RAP1GAP: variants seen among roughly 807,000 people sequenced by gnomAD.
RAP1GAP encodes rap1 GTPase-activating protein 1.
In RAP1GAP, 35 loss-of-function variants were observed where a neutral mutation model predicts 87.2. The observed-to-expected ratio is 0.40, with a 90% confidence interval of 0.31 to 0.53. The LOEUF (loss-of-function observed/expected upper bound fraction) is 0.53. Ranked by LOEUF, RAP1GAP falls within the 20% of genes least tolerant of loss-of-function variation. The pLI, the probability that RAP1GAP is intolerant of heterozygous loss-of-function variation, is 0.48. For synonymous variants in RAP1GAP, 375 were observed against 363.9 expected (o/e 1.03, Z -0.35); for missense variants, 734 against 898.9 (o/e 0.82, Z 2.35).
In RAP1GAP at chr1:21,668,259, C is replaced by A. The variant is rs1443384698; in HGVS notation, c.-149+995G>T. Among the ~76,000 whole-genome samples, 1 of 152,162 alleles carries A rather than the reference C, an allele frequency of 6.6e-6. No individual in the cohort carries two copies. The highest frequency in any genetic ancestry group is 1.5e-5 in the Non-Finnish European group (1 of 68,016). ...CATTGCCTTTCTCTCCTACTTCCAC[C>A]TGGCCAGCTTCCCTCAGTGCCCCTC... On this transcript the variant is annotated intron_variant, in intron 1 of 24. Transcript: ENST00000374765. This position sits in a 1 kb window ranked among gnomAD's most constrained non-coding sequence, Gnocchi z 6.2.
chr1:21,629,910 G>A (rs1369077891), intron 2 of RAP1GAP, among the ~76,000 whole-genome samples: 5 of 152,146 alleles, frequency 3.3e-5, no homozygotes, highest in Non-Finnish European at 7.3e-5. Context: ...TAACATGTAC[G>A]TCCAATCCTG....
intron 7 of RAP1GAP, 23 bp downstream of exon 7, chr1:21,617,283 C>G (rs373462096): frequency 1.3e-6 from 2 of 1,554,170 alleles, no homozygotes; most frequent in East Asian, 2.4e-5. Context: ...CAGCCAGCCC[C>G]GCTGCACCAG....
intron 1 of RAP1GAP, chr1:21,665,191 A>C (rs1299550640): frequency 4.0e-6 from 2 of 499,240 alleles, no homozygotes; most frequent in African/African-American, 3.9e-5. Context: ...AAACAGACTC[A>C]GAGGGAGAGA....
chr1:21,611,844 G>A, intron 11 of RAP1GAP, 28 bp from the exon 12 acceptor site: 2 of 1,580,690 alleles, frequency 1.3e-6, no homozygotes, highest in Non-Finnish European at 1.7e-6. Flanking sequence ...AGGTCATTGA[G>A]CTGGAGTTCC....
chr1:21,636,404 C>T (rs2094670678), intron 2 of RAP1GAP, among the ~76,000 whole-genome samples: 1 of 152,154 alleles, frequency 6.6e-6, no homozygotes, highest in Non-Finnish European at 1.5e-5. Context: ...CTTCCCTTCT[C>T]TTCCTTCCTT....
intron 3 of RAP1GAP, among the ~76,000 whole-genome samples, chr1:21,624,746 G>A (rs906606311): frequency 2.0e-5 from 3 of 152,194 alleles, no homozygotes; most frequent in Non-Finnish European, 4.4e-5. Flanking sequence ...TAGCCAGACT[G>A]GGTGGAAGCC....
Position 21,611,822 on chromosome 1 carries a change from G to T in RAP1GAP, c.613-6C>A, listed in dbSNP as rs1178947481. On this transcript the variant is annotated splice_region_variant and splice_polypyrimidine_tract_variant and intron_variant, in intron 11 of 24. Transcript: ENST00000374765. The stretch of plus-strand genomic sequence containing the variant: ...AAGAGTTCTTCCTCGGAGGTCTGGG[G>T]ATGAGGGGCCAAGGTCATTGAGCTG... 1.2e-6 allele frequency: 2 copies of T among 1,603,318 alleles called. No homozygotes were observed. Among genetic ancestry groups the T allele is most frequent in the Non-Finnish European group, 1.7e-6 (2 of 1,170,334 alleles).
At chr1:21,619,809 T>C (rs2085480573) in intron 4 of RAP1GAP, among the ~76,000 whole-genome samples, 1 of 152,022 alleles carries the variant, frequency 6.6e-6, no homozygotes, top group South Asian at 2.1e-4. Flanking sequence ...GCTGGGAGCC[T>C]AGATGGACTC....
At chr1:21,636,662 C>T (rs906233967) in intron 2 of RAP1GAP, among the ~76,000 whole-genome samples, 1 of 152,058 alleles carries the variant, frequency 6.6e-6, no homozygotes, top group Admixed American at 6.6e-5. Context: ...CAAAAATTAG[C>T]CGGGTGTGGT....
chr1:21,609,524 G>C lies in RAP1GAP; in HGVS notation c.1071+51C>G. The C allele has an allele frequency of 9.0e-7, 1 of 1,109,278 alleles. No homozygotes were observed. The highest frequency in any genetic ancestry group is 1.2e-6 in the Non-Finnish European group (1 of 800,150). 68.7% of individuals were successfully genotyped at this position (1,109,278 alleles called of 1,614,324 possible). On this transcript the variant is annotated intron_variant, in intron 15 of 24. Coordinates refer to ENST00000374765, the MANE Select transcript of RAP1GAP (RefSeq NM_002885.4). This position sits in a 1 kb window ranked among gnomAD's most constrained non-coding sequence, Gnocchi z 4.4. ...GGCAGAATGTGTATGCACCCCCCAG[G>C]CCCCCACCCATTTGTCCTGCTCTGC... is the stretch of plus-strand genomic sequence containing the variant.
chr1:21,651,517 A>G (rs1374008381), intron 1 of RAP1GAP: 2 of 661,184 alleles, frequency 3.0e-6, no homozygotes, highest in South Asian at 1.4e-5. Flanking sequence ...CAAACACAGC[A>G]ATGTCCACCC....
chr1:21,605,451 A>G (rs1404223825), intron 18 of RAP1GAP, among the ~76,000 whole-genome samples: 4 of 152,148 alleles, frequency 2.6e-5, no homozygotes, highest in African/African-American at 9.7e-5. Flanking sequence ...ATAGCAGTCC[A>G]TTTTCTGACA....
rs2275365 is a variant in RAP1GAP at position 21,606,132 on chromosome 1, G to T, written c.1362C>A (p.Thr454=). 1.9e-6 allele frequency: 3 copies of T among 1,584,298 alleles called. No individual in the cohort carries two copies. Among genetic ancestry groups the T allele is most frequent in the Non-Finnish European group, 2.6e-6 (3 of 1,165,896 alleles). ...AMGLSNKKPN[T]VSTSHSGSFA... Reference sequence around the variant, plus strand: ...AGCTCCCGCTGTGGCTGGTGGACACGGTGTTGGGCTTCTTGTTGCTCAGCC... The same window carrying T: ...AGCTCCCGCTGTGGCTGGTGGACACTGTGTTGGGCTTCTTGTTGCTCAGCC... Residue 454 remains threonine, a synonymous_variant, in exon 18 of 25, where the codon ACC becomes ACA. Transcript: ENST00000374765.
intron 2 of RAP1GAP, among the ~76,000 whole-genome samples, chr1:21,631,257 G>A (rs2093668338): frequency 1.3e-5 from 2 of 152,178 alleles, no homozygotes; most frequent in Admixed American, 1.3e-4. Context: ...CAGCTGCGGG[G>A]AGCCCAGAGC....
At position 21,634,058 on chromosome 1, in the gene RAP1GAP, CGGGGGG is replaced by C. The variant is rs59476256; in HGVS notation, c.-112-7667_-112-7662del. ...TGGCTGCCCCAGAACTGCCCCCTCC[CGGGGGG>C]GGGGGGGGGCCACAGAAGCCCATTG... On this transcript the variant is annotated intron_variant, in intron 2 of 24. Transcript: ENST00000374765. This position sits in a 1 kb window ranked among gnomAD's most constrained non-coding sequence, Gnocchi z 4.1. Among the ~76,000 whole-genome samples, 45,473 of 143,302 alleles carry C rather than the reference CGGGGGG, an allele frequency of 0.32. 8,000 individuals are homozygous for C. The highest frequency in any genetic ancestry group is 0.44 in the Middle Eastern group (121 of 276). 94.0% of individuals were successfully genotyped at this position (143,302 alleles called of 152,430 possible). A position where few individuals can be genotyped will look rare whatever the true frequency, so the allele number is the denominator to read the frequency against.
chr1:21,639,505 C>T (rs1220812073), intron 2 of RAP1GAP, among the ~76,000 whole-genome samples: 2 of 152,210 alleles, frequency 1.3e-5, no homozygotes, highest in Non-Finnish European at 2.9e-5. Flanking sequence ...AGGGAGAGTC[C>T]CTTCACCTCT....
intron 2 of RAP1GAP, among the ~76,000 whole-genome samples, chr1:21,642,316 A>C (rs1430513398): frequency 6.6e-6 from 1 of 152,242 alleles, no homozygotes; most frequent in African/African-American, 2.4e-5. Flanking sequence ...CAGTAACCGC[A>C]ATAGCTGGCA....
intron 3 of RAP1GAP, 70 bp from the exon 4 acceptor site, chr1:21,620,120 CG>C: frequency 3.2e-6 from 5 of 1,566,096 alleles, no homozygotes; most frequent in Non-Finnish European, 4.4e-6. Flanking sequence ...CCACCCGCCC[CG>C]GCCCTCCGGG....
chr1:21,602,488 G>A (rs918442230), intron 19 of RAP1GAP, among the ~76,000 whole-genome samples: 1 of 152,244 alleles, frequency 6.6e-6, no homozygotes, highest in Admixed American at 6.5e-5. Context: ...CATGCGCTGG[G>A]GCCGTGGGAA....
Sources: allele counts gnomAD v4.1 joint callset (sites outside exome capture counted in the v4.1 genomes callset), GRCh38; gene constraint gnomAD v4.1.1; non-coding constraint Gnocchi (gnomAD v3.1); transcripts MANE v1.5; gene names NCBI Gene and HGNC (gene_info 2026-07-23, HGNC 2026-07-21).